Variants in URI1 observed in about 807,000 individuals in gnomAD.
URI1 encodes the protein URI1 prefoldin like chaperone, also known as unconventional prefoldin RPB5 interactor 1.
Under a neutral mutation model 60.2 loss-of-function variants are expected in URI1, and 39 were observed. The observed-to-expected ratio is 0.65, with a 90% CI of 0.50 to 0.85. The LOEUF is 0.85. Ranked by LOEUF, URI1 falls within the 40% of genes least tolerant of loss-of-function variation. The pLI is 0.00. For synonymous variants in URI1, 251 were observed against 236.8 expected, an observed-to-expected ratio of 1.06 and a Z score of -0.55; for missense variants, 691 against 665.9, an observed-to-expected ratio of 1.04 and a Z score of -0.42.
intron 1 of URI1, among the ~76,000 whole-genome samples, chr19:29,950,849 G>A (rs1226629333): frequency 1.3e-5 from 2 of 152,032 alleles, no homozygotes; most frequent in Admixed American, 6.6e-5. Context: ...ATTATTCCCC[G>A]CCACCTTCTG....
At chr19:29,932,841 C>G (rs1209429435) in intron 1 of URI1, among the ~76,000 whole-genome samples, 1 of 148,010 alleles carries the variant, frequency 6.8e-6, no homozygotes, top group African/African-American at 2.5e-5. Flanking sequence ...TTAGTAGAGA[C>G]AGAATTTCAC....
At chr19:29,956,582 G>T in intron 1 of URI1, 6 of 1,510,324 alleles carry the variant, frequency 4.0e-6, no homozygotes, top group Non-Finnish European at 5.5e-6. Context: ...TGGGCTTGAG[G>T]TACTGAACAG....
Position 29,986,353 on chromosome 19 carries a change from G to C in URI1, c.303G>C (p.Gly101=), listed in dbSNP as rs374293383. The part of the protein sequence containing the change: ...VHTNEVTVLL[G]DNWFAKCSAK... ...CTAATGAAGTCACTGTTTTACTGGG[G>C]GACAACTGGTTTGCAAAGTGCTCAG... The change falls in exon 4 of 11, where the codon GGG becomes GGC. Residue 101 remains glycine (G), a synonymous_variant. Coordinates refer to ENST00000392271, the MANE Select transcript of URI1 (RefSeq NM_003796.3). The C allele has an allele frequency of 3.3e-4, 532 of 1,610,508 alleles. No individual in the cohort carries two copies. Among genetic ancestry groups the C allele is most frequent in the Non-Finnish European group, 4.3e-4 (504 of 1,179,444 alleles).
At position 29,985,235 on chromosome 19, in the gene URI1, T is replaced by A. The variant is rs1458501594; in HGVS notation, c.165T>A (p.Asp55Glu). The change falls in exon 3 of 11, where the codon GAT (aspartate) becomes GAA (glutamate). Residue 55 changes from aspartate (D) to glutamate (E), a missense_variant. Coordinates refer to ENST00000392271, the MANE Select transcript of URI1 (RefSeq NM_003796.3). ...TTTCTGTCAACAGGAAGAAGGTAGA[T>A]AATGACTATAATGCCCTTCGAGAAA... Reference protein sequence around the residue: ...QERIQHWKKVDNDYNALRERL... With the variant: ...QERIQHWKKVENDYNALRERL... 1.9e-6 allele frequency: 3 copies of A among 1,566,564 alleles called. No homozygotes were observed. The African/African-American group carries it at 4.2e-5, about 22-fold the overall frequency.
At chr19:29,977,032 T>A (rs2055531765) in intron 2 of URI1, among the ~76,000 whole-genome samples, 1 of 152,118 alleles carries the variant, frequency 6.6e-6, no homozygotes, top group South Asian at 2.1e-4. Flanking sequence ...AAAGAGTAAC[T>A]AGCTTCCATT....
At chr19:29,993,116 C>A (rs2055766872) in intron 4 of URI1, among the ~76,000 whole-genome samples, 1 of 152,070 alleles carries the variant, frequency 6.6e-6, no homozygotes, top group South Asian at 2.1e-4. Flanking sequence ...ACTTAGTCTT[C>A]ATTTTTACAA....
chr19:29,963,475 T>A (rs374908051), intron 1 of URI1, among the ~76,000 whole-genome samples: 2 of 152,210 alleles, frequency 1.3e-5, no homozygotes, highest in African/African-American at 4.8e-5. Context: ...TGAAAATTGC[T>A]ATTTTTAAAA....
chr19:29,955,661 CTT>C (rs11330190), intron 1 of URI1, among the ~76,000 whole-genome samples: 2 of 147,704 alleles, frequency 1.4e-5, no homozygotes, highest in Non-Finnish European at 1.5e-5. Flanking sequence ...TTTTTCTTTT[CTT>C]TTTTTTTTTC....
At chr19:30,001,694 T>C (rs1174074214) in intron 4 of URI1, among the ~76,000 whole-genome samples, 2 of 152,008 alleles carry the variant, frequency 1.3e-5, no homozygotes, top group Non-Finnish European at 1.5e-5. Context: ...GATCGACTTG[T>C]AGTAGCTTTT....
At chr19:29,953,331 C>T (rs2055202804) in intron 1 of URI1, among the ~76,000 whole-genome samples, 1 of 152,100 alleles carries the variant, frequency 6.6e-6, no homozygotes, top group South Asian at 2.1e-4. Context: ...TTGTATTGGT[C>T]TGTGCTGATG....
chr19:29,939,823 AAGAG>A (rs1198749003), upstream of URI1, among the ~76,000 whole-genome samples: 158 of 152,246 alleles, frequency 1.0e-3, 3 homozygotes, highest in African/African-American at 3.8e-3. Context: ...GTATCTGAAG[AAGAG>A]AGAAATTGTT....
chr19:29,925,532 A>G (rs1568398532), intron 1 of URI1: 1 of 152,274 alleles, frequency 6.6e-6, no homozygotes, highest in Non-Finnish European at 1.5e-5. Flanking sequence ...TCTTGGCCTC[A>G]GGGCCTCTGT....
intron 2 of URI1, among the ~76,000 whole-genome samples, chr19:29,973,052 A>G (rs1020119290): frequency 1.3e-5 from 2 of 152,162 alleles, no homozygotes; most frequent in African/African-American, 4.8e-5. Context: ...CTGAATGGCC[A>G]GTAAATTAAT....
intron 1 of URI1, among the ~76,000 whole-genome samples, chr19:29,969,350 A>G (rs902135244): frequency 6.6e-6 from 1 of 152,192 alleles, no homozygotes; most frequent in East Asian, 1.9e-4. Context: ...GCAAGAACAC[A>G]TGCCATTCTA....
intron 1 of URI1, among the ~76,000 whole-genome samples, chr19:29,930,536 ATTC>A (rs2054907556): frequency 6.6e-6 from 1 of 150,766 alleles, no homozygotes; most frequent in East Asian, 1.9e-4. Flanking sequence ...TTCCATATAT[ATTC>A]TTCTTATGTA....
chr19:29,964,086 G>T lies in URI1; in HGVS notation c.118-7107G>T, dbSNP rs188814385. Among the ~76,000 whole-genome samples the T allele has an allele frequency of 2.8e-4, 42 of 152,064 alleles. 2 individuals carry two copies. The East Asian group carries it at 5.6e-3, about 20-fold the overall frequency. ...GCGCAAGTTCTGCTTGTTTCTTTCT[G>T]CTAGCCATGGCTGTCTCCTCAGGGC... On this transcript the variant is annotated intron_variant, in intron 1 of 10. Coordinates refer to ENST00000392271, the MANE Select transcript of URI1 (RefSeq NM_003796.3).
intron 1 of URI1, among the ~76,000 whole-genome samples, chr19:29,947,993 G>A (rs2055123556): frequency 6.6e-6 from 1 of 152,166 alleles, no homozygotes; most frequent in African/African-American, 2.4e-5. Flanking sequence ...CATTTTTACT[G>A]TATGGATACC....
intron 1 of URI1, among the ~76,000 whole-genome samples, chr19:29,932,476 C>G (rs1195800241): frequency 6.6e-6 from 1 of 151,782 alleles, no homozygotes; most frequent in Non-Finnish European, 1.5e-5. Context: ...GCCACCGCAC[C>G]CGGCTAATTT....
intron 10 of URI1, among the ~76,000 whole-genome samples, chr19:30,013,595 A>G (rs1486203261): frequency 2.6e-5 from 4 of 152,108 alleles, no homozygotes; most frequent in African/African-American, 7.2e-5. Flanking sequence ...TGTGGAACCT[A>G]TTTTTTATTT....
Sources: gnomAD v4.1 joint callset for allele counts (sites outside exome capture counted in the v4.1 genomes callset) on GRCh38, gnomAD v4.1.1 for gene constraint, MANE v1.5 for transcripts, NCBI Gene and HGNC (gene_info 2026-07-23, HGNC 2026-07-21) for gene names.